BECN1: variants seen among roughly 807,000 people sequenced by gnomAD.
BECN1 encodes the protein beclin 1.
A neutral mutation model predicts 60.1 loss-of-function variants in BECN1; 15 were observed. The ratio of observed to expected loss-of-function variants is 0.25; its 90% CI spans 0.17 to 0.38. BECN1 has a LOEUF of 0.38. Among genes scored for constraint, BECN1 ranks in the 10% least tolerant of loss-of-function variants. The pLI, the probability that BECN1 is intolerant of heterozygous loss-of-function variation, is 1.00. For missense variants in BECN1, 424 were observed against 548.2 expected, an observed-to-expected ratio of 0.77 and a Z score of 2.26; for synonymous variants, 179 against 201.8, an observed-to-expected ratio of 0.89 and a Z score of 0.96.
intron 3 of BECN1, 29 bp from the exon 4 acceptor site, chr17:42,819,638 C>T (rs2055220597): frequency 6.2e-7 from 1 of 1,608,740 alleles, no homozygotes; most frequent in Non-Finnish European, 8.5e-7. Context: ...GGCATTACAA[C>T]TCTGGCAGCT....
Position 42,813,809 on chromosome 17 carries a change from C to T in BECN1, c.1041+139G>A, listed in dbSNP as rs75896223. 3.1e-3 allele frequency: 1,876 copies of T among 599,398 alleles called. 20 individuals are homozygous for T. Among genetic ancestry groups the T allele is most frequent in the African/African-American group, 0.026 (1,382 of 52,350 alleles). 37.1% of individuals were successfully genotyped at this position (599,398 alleles called of 1,614,324 possible). ...CCCCCAAAACTAAACCTGAACTAGACAAGATATTGAACAATATACTGGCTC... is the reference window on the plus strand; with the variant it reads ...CCCCCAAAACTAAACCTGAACTAGATAAGATATTGAACAATATACTGGCTC... On this transcript the variant is annotated intron_variant, in intron 10 of 11. Coordinates refer to ENST00000590099, the MANE Select transcript of BECN1 (RefSeq NM_001313998.2).
chr17:42,811,144 C>T (rs2054993898), intron 11 of BECN1: 9 of 435,826 alleles, frequency 2.1e-5, no homozygotes, highest in Admixed American at 4.2e-5. Flanking sequence ...ACAGGACACA[C>T]ACCCAAAGAG....
chr17:42,821,566 C>G (rs2144203656), intron 2 of BECN1, among the ~76,000 whole-genome samples: 1 of 152,200 alleles, frequency 6.6e-6, no homozygotes, highest in African/African-American at 2.4e-5. Context: ...ATCACAAAAG[C>G]AAACATCCTG....
Position 42,813,934 on chromosome 17 carries a change from G to A in BECN1, c.1041+14C>T. On this transcript the variant is annotated intron_variant, in intron 10 of 11. Coordinates refer to ENST00000590099, the MANE Select transcript of BECN1 (RefSeq NM_001313998.2). ...AACTCTGTATTCCAGTGAAAATGGA[G>A]CTTCACAGAGTACCTTAGATTTGTC... 1 of 1,563,570 alleles carries A rather than the reference G, an allele frequency of 6.4e-7. No individual in the cohort carries two copies. Among genetic ancestry groups the A allele is most frequent in the Non-Finnish European group, 8.7e-7 (1 of 1,145,298 alleles).
intron 4 of BECN1, 22 bp from the exon 5 acceptor site, chr17:42,818,899 C>T (rs563758232): frequency 2.0e-5 from 33 of 1,613,162 alleles, no homozygotes; most frequent in Non-Finnish European, 2.5e-5. Flanking sequence ...CCCCCGCCCA[C>T]GGGCCACATG....
At chr17:42,819,319 A>G (rs1375885535) in intron 4 of BECN1, 2 of 516,648 alleles carry the variant, frequency 3.9e-6, no homozygotes, top group Admixed American at 3.6e-5. Flanking sequence ...ATTTTTTTCA[A>G]TACTTCATCA....
intron 8 of BECN1, chr17:42,815,622 T>C (rs1309208369): frequency 4.5e-6 from 2 of 447,036 alleles, no homozygotes; most frequent in Non-Finnish European, 8.0e-6. Flanking sequence ...ATTAAATTAA[T>C]GGAACATCAA....
intron 3 of BECN1, 167 bp downstream of exon 3, chr17:42,820,607 C>A: frequency 1.6e-6 from 1 of 615,116 alleles, no homozygotes; most frequent in Non-Finnish European, 2.9e-6. Flanking sequence ...TGCATAGCAG[C>A]CTGATCATGT....
Position 42,811,776 on chromosome 17 carries a change from C to G in BECN1, c.1063G>C (p.Gly355Arg). 1.2e-6 allele frequency: 2 copies of G among 1,614,126 alleles called. No homozygotes were observed. The highest frequency in any genetic ancestry group is 1.7e-6 in the Non-Finnish European group (2 of 1,179,996). Residue 355 changes from glycine to arginine, a missense_variant, in exon 11 of 12, where the codon GGG (glycine) becomes CGG (arginine). Physicochemically the swap from Gly to Arg is moderately radical, Grantham distance 125. Around this residue, in one of 3 missense-constraint regions of BECN1, gnomAD observed 326 missense variants for 406.2 expected, o/e 0.80. Transcript: ENST00000590099. ...TTGTCCCAGAAAAACCGCAACCCCC[C>G]AGAACAGTATAACGGCAGCTCCTGC... ...KSKELPLYCSGGLRFFWDNKF... is the reference protein window; with the variant it reads ...KSKELPLYCSRGLRFFWDNKF...
At chr17:42,822,098 G>A (rs2055277232) in intron 2 of BECN1, among the ~76,000 whole-genome samples, 1 of 152,150 alleles carries the variant, frequency 6.6e-6, no homozygotes, top group African/African-American at 2.4e-5. Flanking sequence ...AGCTACTCAG[G>A]AGGCTGACGC....
Position 42,818,208 on chromosome 17 carries a change from G to T in BECN1, c.683+13C>A. The T allele has an allele frequency of 6.2e-7, 1 of 1,612,822 alleles. No homozygotes were observed. The highest frequency in any genetic ancestry group is 8.5e-7 in the Non-Finnish European group (1 of 1,179,284). On this transcript the variant is annotated intron_variant, in intron 7 of 11. Coordinates refer to ENST00000590099, the MANE Select transcript of BECN1 (RefSeq NM_001313998.2). ...CCTCGAGTGTGAGAAGATAGAACAGGGTGAGCACTCACTGAGCTTCCTCCT... is the reference window on the plus strand; with the variant it reads ...CCTCGAGTGTGAGAAGATAGAACAGTGTGAGCACTCACTGAGCTTCCTCCT...
At chr17:42,819,217 A>G (rs1567672689) in intron 4 of BECN1, 1 of 465,252 alleles carries the variant, frequency 2.1e-6, no homozygotes, top group Non-Finnish European at 3.8e-6. Context: ...ACCTGCAGCA[A>G]TGAGAACTAA....
At chr17:42,822,719 T>C (rs1431748650) in intron 2 of BECN1, among the ~76,000 whole-genome samples, 1 of 152,124 alleles carries the variant, frequency 6.6e-6, no homozygotes, top group African/African-American at 2.4e-5. Flanking sequence ...AATTTATTTT[T>C]TGAGACAGGG....
In BECN1 at chr17:42,810,419, G is replaced by C. The variant is rs990311213; in HGVS notation, c.*341C>G. ...TTCATATTGTTAAGTGCAGGAAGTT[G>C]AGAGAGATAAAAATCCAGTGAAAAC... On this transcript the variant is annotated 3_prime_UTR_variant, in exon 12 of 12. Coordinates refer to ENST00000590099, the MANE Select transcript of BECN1 (RefSeq NM_001313998.2). The C allele has an allele frequency of 6.0e-6, 1 of 167,364 alleles. No homozygotes were observed. The highest frequency in any genetic ancestry group is 2.4e-5 in the African/African-American group (1 of 41,902). 10.4% of individuals were successfully genotyped at this position (167,364 alleles called of 1,614,324 possible). A position where few individuals can be genotyped will look rare whatever the true frequency, so the allele number is the denominator to read the frequency against.
chr17:42,814,400 A>T, intron 9 of BECN1, 124 bp downstream of exon 9: 1 of 1,323,284 alleles, frequency 7.6e-7, no homozygotes, highest in Non-Finnish European at 1.0e-6. Flanking sequence ...ACAGCTCTTC[A>T]GCCACAGAAA....
chr17:42,812,120 C>T, intron 10 of BECN1: 1 of 222,084 alleles, frequency 4.5e-6, no homozygotes, highest in Non-Finnish European at 8.8e-6. Context: ...AGCAGTGGCT[C>T]ACGCCTGTAA....
Position 42,818,784 on chromosome 17 carries a change from T to C in BECN1, c.351+3A>G, listed in dbSNP as rs1432356666. The C allele has an allele frequency of 5.0e-6, 8 of 1,614,142 alleles. No homozygotes were observed. The highest frequency in any genetic ancestry group is 6.8e-6 in the Non-Finnish European group (8 of 1,179,994). ...GCTTGCCACCGGAATGGGGCCGACT[T>C]GCCTTCAGTCTTCGGCTGAGGTTCT... On this transcript the variant is annotated splice_donor_region_variant and intron_variant, in intron 5 of 11. Transcript: ENST00000590099.
intron 2 of BECN1, among the ~76,000 whole-genome samples, chr17:42,822,346 T>C (rs2055283875): frequency 6.6e-6 from 1 of 152,228 alleles, no homozygotes; most frequent in Non-Finnish European, 1.5e-5. Context: ...TTATAAATTC[T>C]TTATGAGGCA....
intron 7 of BECN1, 36 bp from the exon 8 acceptor site, chr17:42,816,090 G>C: frequency 2.0e-6 from 3 of 1,535,500 alleles, no homozygotes; most frequent in Non-Finnish European, 2.6e-6. Context: ...AAGGCTGTTA[G>C]CTTGGGGGCT....
Sources: allele counts gnomAD v4.1 joint callset (sites outside exome capture counted in the v4.1 genomes callset), GRCh38; gene constraint gnomAD v4.1.1; regional missense constraint gnomAD v4.1.1; transcripts MANE v1.5; gene names NCBI Gene and HGNC (gene_info 2026-07-23, HGNC 2026-07-21).